SPMIP2: variants seen among roughly 807,000 people sequenced by gnomAD.
The protein encoded by SPMIP2 is protein SPMIP2.
chr4:159,054,795 T>C, the SPMIP2 span, among the ~76,000 whole-genome samples: 1 of 152,190 alleles, frequency 6.6e-6, no homozygotes, highest in Non-Finnish European at 1.5e-5. Context: ...CTATCTTTCA[T>C]GGTCTTCCTC....
At chr4:158,983,121 A>G in the SPMIP2 span, among the ~76,000 whole-genome samples, 2 of 152,176 alleles carry the variant, frequency 1.3e-5, no homozygotes, top group Non-Finnish European at 2.9e-5. Flanking sequence ...GAAAAGAATA[A>G]AAGGAGACGA....
At chr4:159,029,474 T>C in the SPMIP2 span, among the ~76,000 whole-genome samples, 1 of 152,246 alleles carries the variant, frequency 6.6e-6, no homozygotes, top group African/African-American at 2.4e-5. Flanking sequence ...GTTTTAAAAG[T>C]TGGATCCACC....
At chr4:159,049,556 A>C in the SPMIP2 span, among the ~76,000 whole-genome samples, 3 of 152,190 alleles carry the variant, frequency 2.0e-5, no homozygotes, top group Non-Finnish European at 4.4e-5. Flanking sequence ...GATATCCCTC[A>C]CCTCAAACAC....
At chr4:159,077,128 G>A in the SPMIP2 span, among the ~76,000 whole-genome samples, 5 of 149,684 alleles carry the variant, frequency 3.3e-5, no homozygotes, top group African/African-American at 1.2e-4. Context: ...GAGCCACTGC[G>A]CCTGGCCTAA....
the SPMIP2 span, among the ~76,000 whole-genome samples, chr4:158,946,347 A>T: frequency 6.6e-6 from 1 of 152,190 alleles, no homozygotes; most frequent in Non-Finnish European, 1.5e-5. Context: ...AAGAATATTC[A>T]TTTGATAAAG....
At chr4:159,018,348 A>C in the SPMIP2 span, among the ~76,000 whole-genome samples, 1 of 152,166 alleles carries the variant, frequency 6.6e-6, no homozygotes, top group Non-Finnish European at 1.5e-5. Flanking sequence ...TGTGGCCCAG[A>C]CAAACCCAAA....
the SPMIP2 span, among the ~76,000 whole-genome samples, chr4:158,994,002 G>C: frequency 6.6e-6 from 1 of 152,272 alleles, no homozygotes; most frequent in South Asian, 2.1e-4. Flanking sequence ...ACACTATGAG[G>C]CTTATTGTAA....
the SPMIP2 span, among the ~76,000 whole-genome samples, chr4:159,047,762 T>C: frequency 1.3e-5 from 2 of 152,226 alleles, no homozygotes; most frequent in Non-Finnish European, 2.9e-5. Flanking sequence ...CCCAGTTCTA[T>C]GGAGAGCCCT....
the SPMIP2 span, among the ~76,000 whole-genome samples, chr4:159,038,922 G>T: frequency 6.6e-6 from 1 of 152,158 alleles, no homozygotes; most frequent in Non-Finnish European, 1.5e-5. Flanking sequence ...AGGTGAGGCT[G>T]GAGCTTTGCT....
the SPMIP2 span, among the ~76,000 whole-genome samples, chr4:159,006,143 T>C: frequency 6.6e-6 from 1 of 152,252 alleles, no homozygotes; most frequent in Non-Finnish European, 1.5e-5. Flanking sequence ...TTGAACAGTG[T>C]TGGTCTGAAG....
the SPMIP2 span, among the ~76,000 whole-genome samples, chr4:158,937,137 A>C: frequency 6.6e-6 from 1 of 152,242 alleles, no homozygotes; most frequent in Non-Finnish European, 1.5e-5. Context: ...CTGCCGCCAT[A>C]GAATCATTCA....
the SPMIP2 span, among the ~76,000 whole-genome samples, chr4:158,900,861 A>G: frequency 8.5e-5 from 13 of 152,156 alleles, no homozygotes. Flanking sequence ...TTATATGTGA[A>G]TGTGATCCTG....
chr4:158,912,884 A>T, the SPMIP2 span, among the ~76,000 whole-genome samples: 1 of 152,220 alleles, frequency 6.6e-6, no homozygotes, highest in African/African-American at 2.4e-5. Flanking sequence ...CCAAGTGCTC[A>T]ACTACTCTCA....
the SPMIP2 span, among the ~76,000 whole-genome samples, chr4:158,986,939 AAAAC>A: frequency 4.9e-5 from 7 of 142,116 alleles, no homozygotes; most frequent in South Asian, 2.4e-4. Context: ...TTACAAGAAA[AAAAC>A]AAACAACCCC....
the SPMIP2 span, chr4:158,907,470 C>A: frequency 6.6e-6 from 1 of 151,986 alleles, no homozygotes; most frequent in Non-Finnish European, 1.5e-5. Context: ...GATACTAAAC[C>A]GTTGTTTGGG....
the SPMIP2 span, among the ~76,000 whole-genome samples, chr4:158,900,825 C>G: frequency 6.6e-6 from 1 of 151,996 alleles, no homozygotes; most frequent in Non-Finnish European, 1.5e-5. Context: ...GGCATTTAGC[C>G]CGTATTTGAT....
At chr4:158,993,724 C>A in the SPMIP2 span, among the ~76,000 whole-genome samples, 1 of 152,216 alleles carries the variant, frequency 6.6e-6, no homozygotes, top group Non-Finnish European at 1.5e-5. Flanking sequence ...AACAATTCTT[C>A]ATCATCTGGA....
chr4:158,998,343 C>T, the SPMIP2 span, among the ~76,000 whole-genome samples: 14 of 152,356 alleles, frequency 9.2e-5, no homozygotes, highest in South Asian at 2.9e-3. Flanking sequence ...ACATCTCCTT[C>T]TTGCATATTT....
the SPMIP2 span, among the ~76,000 whole-genome samples, chr4:158,913,701 T>C: frequency 6.6e-6 from 1 of 151,826 alleles, no homozygotes; most frequent in Non-Finnish European, 1.5e-5. Flanking sequence ...TTCCACAGGG[T>C]CTGTGCCTGT....
Sources: allele counts gnomAD v4.1 joint callset (sites outside exome capture counted in the v4.1 genomes callset), GRCh38; gene constraint gnomAD v4.1.1; transcripts MANE v1.5; gene names NCBI Gene and HGNC (gene_info 2026-07-23, HGNC 2026-07-21).